The following ASIC2 variants were observed in gnomAD, a reference collection of about 807,000 sequenced individuals.
ASIC2 encodes the protein acid-sensing ion channel 2.
ASIC2 carries 25 observed loss-of-function variants against 57.3 expected under a neutral mutation model. The ratio of observed to expected loss-of-function variants is 0.44; its 90% CI spans 0.32 to 0.61. The LOEUF is 0.61. Ranked by LOEUF, ASIC2 falls within the 20% of genes least tolerant of loss-of-function variation. The pLI, the probability that ASIC2 is intolerant of heterozygous loss-of-function variation, is 0.06. For synonymous variants in ASIC2, 319 were observed against 307.5 expected (o/e 1.04, Z -0.39); for missense variants, 641 against 738.1 (o/e 0.87, Z 1.52).
intron 1 of ASIC2, among the ~76,000 whole-genome samples, chr17:33,171,442 C>T (rs1905517767): frequency 6.6e-6 from 1 of 152,206 alleles, no homozygotes; most frequent in Non-Finnish European, 1.5e-5. Context: ...CAAGTGTTGT[C>T]TTTCAACCTT....
intron 1 of ASIC2, among the ~76,000 whole-genome samples, chr17:33,539,018 T>G (rs1354753362): frequency 1.3e-4 from 20 of 152,140 alleles, no homozygotes; most frequent in Non-Finnish European, 2.9e-4. Flanking sequence ...TAATGTCCCA[T>G]TTGCAGTTGA....
chr17:33,738,349 C>A (rs534311472), intron 1 of ASIC2, among the ~76,000 whole-genome samples: 6 of 152,328 alleles, frequency 3.9e-5, no homozygotes, highest in African/African-American at 7.2e-5. Context: ...TTCCCCCAGA[C>A]CTTCAGGATC....
chr17:33,061,973 T>C (rs976581735), intron 3 of ASIC2, among the ~76,000 whole-genome samples: 9 of 152,338 alleles, frequency 5.9e-5, no homozygotes, highest in Non-Finnish European at 1.2e-4. Context: ...TATTCTCTGA[T>C]GGTAGTTTGT....
At chr17:34,048,637 A>G (rs1001431556) in intron 1 of ASIC2, among the ~76,000 whole-genome samples, 2 of 152,246 alleles carry the variant, frequency 1.3e-5, no homozygotes, top group Non-Finnish European at 2.9e-5. Context: ...GACATATTAC[A>G]TAACTGCTCT....
At chr17:33,417,904 G>A (rs1294710983) in intron 1 of ASIC2, among the ~76,000 whole-genome samples, 3 of 152,144 alleles carry the variant, frequency 2.0e-5, no homozygotes, top group Non-Finnish European at 4.4e-5. Flanking sequence ...CCTCAGGGAA[G>A]GCCCGACTAG....
Position 33,712,635 on chromosome 17 carries a change from G to GTTTTTT in ASIC2, c.555+443342_555+443343insAAAAAA, listed in dbSNP as rs1567695931. Among the ~76,000 whole-genome samples, 23 of 123,322 alleles carry GTTTTTT rather than the reference G, an allele frequency of 1.9e-4. 1 individual carries two copies. Among genetic ancestry groups the GTTTTTT allele is most frequent in the African/African-American group, 7.1e-4 (22 of 30,914 alleles). 80.9% of individuals were successfully genotyped at this position (123,322 alleles called of 152,430 possible). ...CTTTGCTTCCAAGCTTACTCATATG[G>GTTTTTT]CTTTTTTTTTTTTTTTTTTTTTTTT... On this transcript the variant is annotated intron_variant, in intron 1 of 9. Transcript: ENST00000359872.
intron 1 of ASIC2, among the ~76,000 whole-genome samples, chr17:33,165,864 T>C (rs1372486338): frequency 1.3e-5 from 2 of 152,172 alleles, no homozygotes; most frequent in Non-Finnish European, 2.9e-5. Context: ...CTTTCACTTA[T>C]TCATTCATTC....
intron 1 of ASIC2, among the ~76,000 whole-genome samples, chr17:33,779,443 A>G (rs948274059): frequency 6.6e-6 from 1 of 152,348 alleles, no homozygotes; most frequent in East Asian, 1.9e-4. Flanking sequence ...TTCTGTAAGA[A>G]GCTTTATCCC....
At chr17:33,620,240 G>GAAAAAAAAAAAAAAAAAAAAAA (rs35560840) in intron 1 of ASIC2, among the ~76,000 whole-genome samples, 1 of 74,900 alleles carries the variant, frequency 1.3e-5, no homozygotes. Context: ...AGAGGAAAAT[G>GAAAAAAAAAAAAAAAAAAAAAA]AAAAAAAAAA....
At chr17:33,296,171 C>G (rs1472739156), upstream of ASIC2, among the ~76,000 whole-genome samples, 1 of 152,160 alleles carries the variant, frequency 6.6e-6, no homozygotes, top group Non-Finnish European at 1.5e-5. Flanking sequence ...ACACTAAAAA[C>G]AAGTATCATA....
chr17:33,915,221 G>T (rs886541150), intron 1 of ASIC2, among the ~76,000 whole-genome samples: 1 of 152,170 alleles, frequency 6.6e-6, no homozygotes, highest in Non-Finnish European at 1.5e-5. Context: ...CTGAGACCTG[G>T]GAGCAAGAAG....
intron 3 of ASIC2, among the ~76,000 whole-genome samples, chr17:33,065,534 C>T (rs2092040213): frequency 6.6e-6 from 1 of 152,106 alleles, no homozygotes; most frequent in Admixed American, 6.6e-5. Context: ...CCAGGCTGGC[C>T]TCAAACTCCT....
chr17:34,078,730 G>A (rs1299084398), intron 1 of ASIC2, among the ~76,000 whole-genome samples: 1 of 152,184 alleles, frequency 6.6e-6, no homozygotes, highest in Non-Finnish European at 1.5e-5. Flanking sequence ...CTGAAAGGAA[G>A]ATTTCCCAGG....
At chr17:33,812,104 T>G (rs1912439277) in intron 1 of ASIC2, among the ~76,000 whole-genome samples, 1 of 152,150 alleles carries the variant, frequency 6.6e-6, no homozygotes, top group African/African-American at 2.4e-5. Context: ...CCATGCTAAT[T>G]GTGGATATTG....
intron 3 of ASIC2, among the ~76,000 whole-genome samples, chr17:33,071,774 A>G (rs1360288894): frequency 6.6e-6 from 1 of 152,208 alleles, no homozygotes; most frequent in African/African-American, 2.4e-5. Flanking sequence ...GGCAGAAACA[A>G]AGCAGCTTTT....
chr17:33,040,660 A>G (rs1005157879), intron 3 of ASIC2, among the ~76,000 whole-genome samples: 2 of 152,158 alleles, frequency 1.3e-5, no homozygotes, highest in African/African-American at 4.8e-5. Context: ...GGCCAGCATG[A>G]CCCTGGCTTA....
chr17:34,018,963 A>G (rs1267851274), intron 1 of ASIC2, among the ~76,000 whole-genome samples: 3 of 151,778 alleles, frequency 2.0e-5, no homozygotes, highest in Non-Finnish European at 2.9e-5. Flanking sequence ...GCTGGAGTGC[A>G]GTGGCGCGAT....
chr17:33,525,167 A>G (rs1914851452), intron 1 of ASIC2, among the ~76,000 whole-genome samples: 1 of 152,072 alleles, frequency 6.6e-6, no homozygotes, highest in African/African-American at 2.4e-5. Context: ...AGTCATGTGC[A>G]TGGAACAGGA....
intron 1 of ASIC2, among the ~76,000 whole-genome samples, chr17:33,360,070 T>C (rs1908539688): frequency 6.6e-6 from 1 of 152,222 alleles, no homozygotes; most frequent in South Asian, 2.1e-4. Context: ...AGTACATGTG[T>C]CACTGATAGT....
Sources: allele counts gnomAD v4.1 joint callset (sites outside exome capture counted in the v4.1 genomes callset), GRCh38; gene constraint gnomAD v4.1.1; transcripts MANE v1.5; gene names NCBI Gene and HGNC (gene_info 2026-07-23, HGNC 2026-07-21).